Variants in TMEM168 observed in about 807,000 individuals in gnomAD.
TMEM168 encodes the protein transmembrane protein 168.
A neutral mutation model predicts 53.2 loss-of-function variants in TMEM168; 40 were observed. That is an observed-to-expected ratio of 0.75 (90% CI 0.58 to 0.98). TMEM168 has a LOEUF of 0.98. Ranked by LOEUF, TMEM168 falls within the 50% of genes least tolerant of loss-of-function variation. The pLI is 0.00. For synonymous variants in TMEM168, 282 were observed against 293.0 expected, an observed-to-expected ratio of 0.96 and a Z score of 0.38; for missense variants, 771 against 828.8, an observed-to-expected ratio of 0.93 and a Z score of 0.86.
At chr7:112,777,668 T>C (rs990881137) in intron 2 of TMEM168, among the ~76,000 whole-genome samples, 1 of 152,224 alleles carries the variant, frequency 6.6e-6, no homozygotes, top group African/African-American at 2.4e-5. Context: ...AATGTTATGT[T>C]TGCAACACTG....
chr7:112,784,145 C>T lies in TMEM168; in HGVS notation c.681G>A (p.Ala227=), dbSNP rs530863309. 8.9e-5 allele frequency: 143 copies of T among 1,613,772 alleles called. No individual in the cohort carries two copies. In the South Asian group the frequency reaches 1.2e-3, roughly 13 times the overall value. The change falls in exon 2 of 5, where the codon GCG becomes GCA. Residue 227 remains alanine, a synonymous_variant. Coordinates refer to ENST00000312814, the MANE Select transcript of TMEM168 (RefSeq NM_022484.6). ...LETPKNPIAF[A]CFFICLITDP... is the part of the protein sequence containing the mutation. ...CAGTTATCAGGCAAATAAAAAAACA[C>T]GCAAAAGCAATCGGATTTTTGGGAG...
chr7:112,784,092 C>T lies in TMEM168; in HGVS notation c.734G>A (p.Gly245Glu). 2 of 1,612,986 alleles carry T rather than the reference C, an allele frequency of 1.2e-6. No homozygotes were observed. The highest frequency in any genetic ancestry group is 1.7e-6 in the Non-Finnish European group (2 of 1,179,812). ...TDPFLDIYFS[G>E]LSVTERWKPF... ...TTTCCATCTTTCAGTTACTGAAAGT[C>T]CACTAAAATAAATGTCAAGGAAAGG... The change falls in exon 2 of 5, where the codon GGA becomes GAA. Residue 245 changes from glycine (G) to glutamate (E), a missense_variant. Coordinates refer to ENST00000312814, the MANE Select transcript of TMEM168 (RefSeq NM_022484.6).
chr7:112,779,218 T>C (rs1379520588), intron 2 of TMEM168, among the ~76,000 whole-genome samples: 1 of 152,140 alleles, frequency 6.6e-6, no homozygotes, highest in Non-Finnish European at 1.5e-5. Flanking sequence ...AAAGCAAATT[T>C]ATCAGGAAAA....
intron 2 of TMEM168, among the ~76,000 whole-genome samples, chr7:112,780,261 T>A: frequency 6.6e-6 from 1 of 152,344 alleles, no homozygotes; most frequent in East Asian, 1.9e-4. Flanking sequence ...GTCATGAGCT[T>A]ATTCTGTAGA....
At chr7:112,777,916 G>A (rs888619708) in intron 2 of TMEM168, among the ~76,000 whole-genome samples, 1 of 127,920 alleles carries the variant, frequency 7.8e-6, no homozygotes, top group Non-Finnish European at 1.8e-5. Context: ...GTGTGTGTGT[G>A]TGTGTGTGTG....
At position 112,784,865 on chromosome 7, in the gene TMEM168, T is replaced by C; in HGVS notation, c.-40A>G. 2 of 1,501,422 alleles carry C rather than the reference T, an allele frequency of 1.3e-6. No homozygotes were observed. The highest frequency in any genetic ancestry group is 1.8e-6 in the Non-Finnish European group (2 of 1,134,372). 93.0% of individuals were successfully genotyped at this position (1,501,422 alleles called of 1,614,324 possible). A position where few individuals can be genotyped will look rare whatever the true frequency, so the allele number is the denominator to read the frequency against. On this transcript the variant is annotated 5_prime_UTR_variant, in exon 2 of 5. Coordinates refer to ENST00000312814, the MANE Select transcript of TMEM168 (RefSeq NM_022484.6). ...GGGCTTTTCCCTCACGTTACAAAAA[T>C]TAACCGCTTGTATTTCATCCAGTAT...
At chr7:112,776,660 A>G (rs1793092231) in intron 2 of TMEM168, among the ~76,000 whole-genome samples, 1 of 152,078 alleles carries the variant, frequency 6.6e-6, no homozygotes, top group African/African-American at 2.4e-5. Flanking sequence ...ATGTGATTAA[A>G]ATCATTCCAA....
intron 1 of TMEM168, among the ~76,000 whole-genome samples, chr7:112,787,698 G>A (rs1473278154): frequency 1.4e-5 from 2 of 138,960 alleles, no homozygotes; most frequent in East Asian, 2.1e-4. Flanking sequence ...ACAGGCGTGA[G>A]CCACTGCGAC....
rs1454726544 is a variant in TMEM168, at chr7:112,765,274, T to C, written c.*1923A>G. On this transcript the variant is annotated 3_prime_UTR_variant, in exon 5 of 5. Transcript: ENST00000312814. ...CACATTCTTGGCCCAAAGACCATTT[T>C]TGGTTTTACTTTCACAGGAAATACA... 3.9e-5 allele frequency: 6 copies of C among 152,202 alleles called. No individual in the cohort carries two copies. The highest frequency in any genetic ancestry group is 2.1e-4 in the South Asian group (1 of 4,836). 9.4% of individuals were successfully genotyped at this position (152,202 alleles called of 1,614,324 possible).
In TMEM168 at chr7:112,787,713, A is replaced by ATTTT. The variant is rs71155069; in HGVS notation, c.-129+2443_-129+2446dup. 8.0e-4 allele frequency among the ~76,000 whole-genome samples: 31 copies of ATTTT among 38,790 alleles called. 2 individuals carry two copies. Among genetic ancestry groups the ATTTT allele is most frequent in the African/African-American group, 3.1e-3 (29 of 9,358 alleles). 25.4% of individuals were successfully genotyped at this position (38,790 alleles called of 152,430 possible). A position where few individuals can be genotyped will look rare whatever the true frequency, so the allele number is the denominator to read the frequency against. On this transcript the variant is annotated intron_variant, in intron 1 of 4. Transcript: ENST00000312814. The stretch of plus-strand genomic sequence containing the variant: ...ACAGGCGTGAGCCACTGCGACTGGC[A>ATTTT]TTTTTTTTTTTTTTTTTTTTTTTTT...
intron 2 of TMEM168, among the ~76,000 whole-genome samples, chr7:112,783,130 G>T (rs1234491146): frequency 6.6e-6 from 1 of 152,168 alleles, no homozygotes; most frequent in African/African-American, 2.4e-5. Context: ...GGGCAGCAAA[G>T]GTACTGTGAA....
chr7:112,769,036 G>A (rs1792862656), intron 4 of TMEM168, among the ~76,000 whole-genome samples: 6 of 152,074 alleles, frequency 3.9e-5, no homozygotes, highest in Non-Finnish European at 1.5e-5. Flanking sequence ...GTTTTACATT[G>A]AGCATAAGTT....
rs1792718813 is a variant in TMEM168 at position 112,764,215 on chromosome 7, TG to T, written c.*2981del. The T allele has an allele frequency of 6.6e-6, 1 of 151,862 alleles. No homozygotes were observed. The highest frequency in any genetic ancestry group is 1.5e-5 in the Non-Finnish European group (1 of 67,962). The allele number at this position is 151,862 out of a possible 1,614,324, so 9.4% of individuals were successfully genotyped here. ...TTTATTCTATTGAAAAAAAAGATGA[TG>T]TTTTTAGAGCTAGTGGTTTTGTGGT... On this transcript the variant is annotated 3_prime_UTR_variant, in exon 5 of 5. Coordinates refer to ENST00000312814, the MANE Select transcript of TMEM168 (RefSeq NM_022484.6).
chr7:112,775,098 G>C, intron 3 of TMEM168, 78 bp downstream of exon 3: 1 of 1,207,640 alleles, frequency 8.3e-7, no homozygotes, highest in Non-Finnish European at 1.1e-6. Context: ...TTGAAAAGGA[G>C]CTATATTTTA....
intron 2 of TMEM168, among the ~76,000 whole-genome samples, chr7:112,777,543 G>A (rs1420641661): frequency 1.3e-5 from 2 of 151,950 alleles, no homozygotes; most frequent in Non-Finnish European, 1.5e-5. Context: ...TATCCTCTGA[G>A]TCTTATCCTT....
Position 112,783,816 on chromosome 7 carries a change from T to G in TMEM168, c.1010A>C (p.Tyr337Ser). 1 of 1,607,206 alleles carries G rather than the reference T, an allele frequency of 6.2e-7. No homozygotes were observed. Among genetic ancestry groups the G allele is most frequent in the Non-Finnish European group, 8.5e-7 (1 of 1,177,502 alleles). ...HKVYFTHRTD[Y>S]NSLDRIMASK... ...TGCCATGATTCTATCAAGGCTATTGTAATCTGTCCTGTGAGTAAAATATAC... is the reference window on the plus strand; with the variant it reads ...TGCCATGATTCTATCAAGGCTATTGGAATCTGTCCTGTGAGTAAAATATAC... The change falls in exon 2 of 5, where the codon TAC becomes TCC. Residue 337 changes from tyrosine (Y) to serine (S), a missense_variant. Transcript: ENST00000312814.
chr7:112,784,167 G>A lies in TMEM168; in HGVS notation c.659C>T (p.Pro220Leu). Reference sequence around the variant, plus strand: ...ACACGCAAAAGCAATCGGATTTTTGGGAGTTTCCAATGAGGAAAAAAATAA... The same window carrying A: ...ACACGCAAAAGCAATCGGATTTTTGAGAGTTTCCAATGAGGAAAAAAATAA... The part of the protein sequence containing the change: ...VLLFFSSLET[P>L]KNPIAFACFF... The change falls in exon 2 of 5, where the codon CCC becomes CTC. Residue 220 changes from proline to leucine, a missense_variant. By Grantham distance (98) the Pro-to-Leu change is moderately conservative (BLOSUM62 -3). Transcript: ENST00000312814. The A allele has an allele frequency of 1.2e-6, 2 of 1,613,900 alleles. No individual in the cohort carries two copies. The highest frequency in any genetic ancestry group is 4.5e-5 in the East Asian group (2 of 44,866).
rs888497861 is a variant in TMEM168, at chr7:112,766,782, G to A, written c.*415C>T. 1.3e-5 allele frequency: 2 copies of A among 156,430 alleles called. No homozygotes were observed. The highest frequency in any genetic ancestry group is 2.8e-5 in the Non-Finnish European group (2 of 70,782). 9.7% of individuals were successfully genotyped at this position (156,430 alleles called of 1,614,324 possible). A position where few individuals can be genotyped will look rare whatever the true frequency, so the allele number is the denominator to read the frequency against. On this transcript the variant is annotated 3_prime_UTR_variant, in exon 5 of 5. Transcript: ENST00000312814. ...GTTTGGAAAAAAGAATCTTCTGTAA[G>A]TAAACTGGTAGTTTTCTTAAAACAG... is the stretch of plus-strand genomic sequence containing the variant.
chr7:112,781,384 C>G (rs933607694), intron 2 of TMEM168, among the ~76,000 whole-genome samples: 2 of 152,230 alleles, frequency 1.3e-5, no homozygotes, highest in East Asian at 1.9e-4. Context: ...TAAAATCACA[C>G]AGTGTTCTCC....
Sources: gnomAD v4.1 joint callset for allele counts (sites outside exome capture counted in the v4.1 genomes callset) on GRCh38, gnomAD v4.1.1 for gene constraint, MANE v1.5 for transcripts, NCBI Gene and HGNC (gene_info 2026-07-23, HGNC 2026-07-21) for gene names.